Variants in MALRD1 observed in about 807,000 individuals in gnomAD.
MALRD1 encodes MAM and LDL-receptor class A domain-containing protein 1.
In MALRD1, 247 loss-of-function variants were observed where a neutral mutation model predicts 242.1. The ratio of observed to expected loss-of-function variants is 1.02; its 90% CI spans 0.92 to 1.13. MALRD1 has a LOEUF of 1.13. MALRD1 is among the 50% of genes most tolerant of loss of function. The pLI is 0.00. For missense variants in MALRD1, 2,989 were observed against 2,533.1 expected (o/e 1.18, Z -3.86); for synonymous variants, 995 against 866.6 (o/e 1.15, Z -2.60).
chr10:19,349,318 GAAAC>G (rs1380883655), intron 25 of MALRD1, among the ~76,000 whole-genome samples: 1 of 152,036 alleles, frequency 6.6e-6, no homozygotes, highest in African/African-American at 2.4e-5. Flanking sequence ...CCATGGGAGA[GAAAC>G]ATATCAAACA....
rs140246858 is a variant in MALRD1 at position 19,102,941 on chromosome 10, C to A, written c.598-1038C>A. 2.6e-3 allele frequency among the ~76,000 whole-genome samples: 402 copies of A among 151,884 alleles called. 3 individuals are homozygous for A. Among genetic ancestry groups the A allele is most frequent in the African/African-American group, 9.1e-3 (377 of 41,414 alleles). On this transcript the variant is annotated intron_variant, in intron 4 of 39. Transcript: ENST00000454679. ...TCTGCTCACTGCAACCTGCGCCTCC[C>A]GGTTCAAGCAATTCTCCTGTCTTAG...
intron 18 of MALRD1, among the ~76,000 whole-genome samples, chr10:19,231,972 A>G (rs1222314987): frequency 6.6e-6 from 1 of 152,142 alleles, no homozygotes; most frequent in Non-Finnish European, 1.5e-5. Context: ...TTATCTTTTA[A>G]TAATCTTTCC....
At chr10:19,646,620 T>A (rs1039023324) in intron 36 of MALRD1, among the ~76,000 whole-genome samples, 1 of 149,272 alleles carries the variant, frequency 6.7e-6, no homozygotes, top group East Asian at 2.0e-4. Flanking sequence ...AAAAAAAAAA[T>A]AATAAGTTTA....
intron 34 of MALRD1, chr10:19,598,237 A>G (rs1838196348): frequency 6.6e-6 from 1 of 152,198 alleles, no homozygotes; most frequent in Non-Finnish European, 1.5e-5. Context: ...AGGAATCAAC[A>G]GTGACTTCCA....
intron 35 of MALRD1, among the ~76,000 whole-genome samples, chr10:19,613,714 C>T (rs1839005003): frequency 6.6e-6 from 1 of 152,054 alleles, no homozygotes; most frequent in African/African-American, 2.4e-5. Context: ...AAATCTTGGC[C>T]CTGCTGGGCC....
chr10:19,442,813 T>A (rs1834741723), intron 28 of MALRD1, among the ~76,000 whole-genome samples: 1 of 152,206 alleles, frequency 6.6e-6, no homozygotes, highest in Non-Finnish European at 1.5e-5. Context: ...GGCTTTGGTA[T>A]CAGGATGATG....
At chr10:19,225,656 C>G (rs1047199654) in intron 18 of MALRD1, among the ~76,000 whole-genome samples, 1 of 152,116 alleles carries the variant, frequency 6.6e-6, no homozygotes, top group Non-Finnish European at 1.5e-5. Context: ...AACCTACACC[C>G]ACCGTTTCCC....
chr10:19,215,711 G>A (rs973537951), intron 18 of MALRD1, among the ~76,000 whole-genome samples: 3 of 151,330 alleles, frequency 2.0e-5, no homozygotes, highest in Non-Finnish European at 4.4e-5. Flanking sequence ...GTGCAGACGT[G>A]CTATAATAAA....
chr10:19,532,138 ATGAGG>A lies in MALRD1; in HGVS notation c.5478+789_5478+793del, dbSNP rs1179126578. 4.6e-5 allele frequency among the ~76,000 whole-genome samples: 7 copies of A among 152,298 alleles called. No homozygotes were observed. The East Asian group carries it at 9.6e-4, about 21-fold the overall frequency. On this transcript the variant is annotated intron_variant, in intron 32 of 39. Coordinates refer to ENST00000454679, the MANE Select transcript of MALRD1 (RefSeq NM_001142308.3). ...CAATTTTAATTCTCACCTTCACCTG[ATGAGG>A]TAAGTATATTTTTTCCCAATTTTGC...
At chr10:19,125,799 A>G (rs1048934488) in intron 7 of MALRD1, among the ~76,000 whole-genome samples, 2 of 151,974 alleles carry the variant, frequency 1.3e-5, no homozygotes, top group African/African-American at 4.8e-5. Context: ...TTTTAAAGTC[A>G]ATATCTTGTT....
intron 5 of MALRD1, among the ~76,000 whole-genome samples, chr10:19,116,560 G>A (rs751186812): frequency 4.6e-5 from 7 of 152,120 alleles, no homozygotes; most frequent in Non-Finnish European, 1.0e-4. Flanking sequence ...TACCACAATG[G>A]CCTTGAGACT....
intron 21 of MALRD1, among the ~76,000 whole-genome samples, chr10:19,316,802 G>A (rs978706648): frequency 2.6e-5 from 4 of 151,826 alleles, no homozygotes; most frequent in African/African-American, 9.7e-5. Flanking sequence ...CAAGGCAGAG[G>A]TGGGGATAGT....
intron 26 of MALRD1, among the ~76,000 whole-genome samples, chr10:19,372,674 G>A (rs2130753087): frequency 6.6e-6 from 1 of 152,086 alleles, no homozygotes; most frequent in South Asian, 2.1e-4. Flanking sequence ...CACCATGTTG[G>A]CCAGGATGGT....
At chr10:19,702,144 T>C (rs1361439579) in intron 38 of MALRD1, among the ~76,000 whole-genome samples, 1 of 152,142 alleles carries the variant, frequency 6.6e-6, no homozygotes, top group Non-Finnish European at 1.5e-5. Context: ...GAAATGTAAA[T>C]TTATAGTAAA....
chr10:19,081,097 T>C (rs540059139), intron 2 of MALRD1, among the ~76,000 whole-genome samples: 3 of 152,148 alleles, frequency 2.0e-5, no homozygotes, highest in Admixed American at 6.6e-5. Flanking sequence ...ATAGCGATTA[T>C]TAAAAAGTCA....
At chr10:19,248,436 A>G (rs1168642325) in intron 18 of MALRD1, among the ~76,000 whole-genome samples, 1 of 151,806 alleles carries the variant, frequency 6.6e-6, no homozygotes. Flanking sequence ...ATGTTATATT[A>G]TTAGTATAGT....
intron 11 of MALRD1, among the ~76,000 whole-genome samples, chr10:19,149,069 T>C (rs186163069): frequency 4.3e-5 from 6 of 138,400 alleles, no homozygotes; most frequent in East Asian, 2.2e-4. Context: ...TAAATCTGTC[T>C]ATCTGTCCAT....
chr10:19,302,989 A>G (rs574029204), intron 21 of MALRD1, among the ~76,000 whole-genome samples: 9 of 151,890 alleles, frequency 5.9e-5, no homozygotes, highest in African/African-American at 2.2e-4. Context: ...AAAAGTTGAA[A>G]CAAAGAGTAT....
chr10:19,639,455 TCAGTTCACACCA>T (rs1042754460), intron 36 of MALRD1, among the ~76,000 whole-genome samples: 1 of 152,164 alleles, frequency 6.6e-6, no homozygotes, highest in African/African-American at 2.4e-5. Context: ...CAACATTTCC[TCAGTTCACACCA>T]TACATTTTGA....
Sources: allele counts gnomAD v4.1 joint callset (sites outside exome capture counted in the v4.1 genomes callset), GRCh38; gene constraint gnomAD v4.1.1; transcripts MANE v1.5; gene names NCBI Gene and HGNC (gene_info 2026-07-23, HGNC 2026-07-21).